The following DMRT3 variants were observed in gnomAD, a reference collection of about 807,000 sequenced individuals.
DMRT3 encodes the protein doublesex- and mab-3-related transcription factor 3.
DMRT3 carries 29 observed loss-of-function variants against 34.9 expected under a neutral mutation model. The ratio of observed to expected loss-of-function variants is 0.83; its 90% CI spans 0.62 to 1.13. The LOEUF is 1.13. DMRT3 is among the 50% of genes most tolerant of loss of function. The pLI is 0.00. For synonymous variants in DMRT3, 350 were observed against 286.0 expected, an observed-to-expected ratio of 1.22 and a Z score of -2.26; for missense variants, 772 against 629.1, an observed-to-expected ratio of 1.23 and a Z score of -2.43.
In DMRT3 at chr9:977,460, G is replaced by C; in HGVS notation, c.454+5G>C. The C allele has an allele frequency of 7.8e-7, 1 of 1,281,952 alleles. No homozygotes were observed. 79.4% of individuals were successfully genotyped at this position (1,281,952 alleles called of 1,614,324 possible). On this transcript the variant is annotated splice_donor_5th_base_variant and intron_variant, in intron 1 of 1. Coordinates refer to ENST00000190165, the MANE Select transcript of DMRT3 (RefSeq NM_021240.4). ...AGGCGCAGCTCGCCAAGCCAGGTAA[G>C]AGCGTCTGAGGTGCGGGAGTTTGGC... is the stretch of plus-strand genomic sequence containing the variant.
chr9:983,753 A>G (rs538542524), intron 1 of DMRT3, among the ~76,000 whole-genome samples: 1 of 152,200 alleles, frequency 6.6e-6, no homozygotes, highest in Non-Finnish European at 1.5e-5. Context: ...TTTACAAAAT[A>G]TGTGAGGTCC....
Position 984,064 on chromosome 9 carries a change from T to C in DMRT3, c.455-5977T>C, listed in dbSNP as rs957937713. The stretch of plus-strand genomic sequence containing the variant: ...ATAATTCATCACTTCTAGTGTGAGA[T>C]GAAGGTAAGAGAAAATGTGAAGCGT... On this transcript the variant is annotated intron_variant, in intron 1 of 1. Transcript: ENST00000190165. 5.9e-5 allele frequency among the ~76,000 whole-genome samples: 9 copies of C among 152,324 alleles called. No individual in the cohort carries two copies. In the South Asian group the frequency reaches 1.4e-3, roughly 25 times the overall value.
intron 1 of DMRT3, among the ~76,000 whole-genome samples, chr9:977,815 C>T (rs1820171156): frequency 6.6e-6 from 1 of 152,228 alleles, no homozygotes; most frequent in South Asian, 2.1e-4. Flanking sequence ...CGCACACTCA[C>T]TACGGTGGGG....
chr9:981,094 AG>A (rs1820210858), intron 1 of DMRT3, among the ~76,000 whole-genome samples: 1 of 151,724 alleles, frequency 6.6e-6, no homozygotes, highest in Admixed American at 6.6e-5. Context: ...TTTATTTCTT[AG>A]GGGGTGGGGG....
At chr9:988,916 A>G (rs1050213722) in intron 1 of DMRT3, among the ~76,000 whole-genome samples, 1 of 152,238 alleles carries the variant, frequency 6.6e-6, no homozygotes, top group Non-Finnish European at 1.5e-5. Context: ...TTTCTTTATT[A>G]TAAAGTCCTG....
chr9:988,371 AT>A (rs762809056), intron 1 of DMRT3, among the ~76,000 whole-genome samples: 1 of 152,192 alleles, frequency 6.6e-6, no homozygotes, highest in Non-Finnish European at 1.5e-5. Context: ...GTATTTACTT[AT>A]GTTTGCCACA....
At chr9:989,218 C>T (rs1486116143) in intron 1 of DMRT3, among the ~76,000 whole-genome samples, 1 of 152,244 alleles carries the variant, frequency 6.6e-6, no homozygotes, top group East Asian at 1.9e-4. Context: ...AGGTATCTGC[C>T]TCGTGCCACC....
In DMRT3 at chr9:991,482, A is replaced by C. The variant is rs1820363426; in HGVS notation, c.*477A>C. ...CTTACACTAAAAATCCTTGCATTTT[A>C]AAGAGAGATGCACTTAAGAATAGAG... On this transcript the variant is annotated 3_prime_UTR_variant, in exon 2 of 2. Transcript: ENST00000190165. The C allele has an allele frequency of 6.5e-6, 1 of 154,898 alleles. No individual in the cohort carries two copies. The highest frequency in any genetic ancestry group is 2.4e-5 in the African/African-American group (1 of 41,482). The allele number at this position is 154,898 out of a possible 1,614,324, so 9.6% of individuals were successfully genotyped here. A position where few individuals can be genotyped will look rare whatever the true frequency, so the allele number is the denominator to read the frequency against.
At chr9:982,329 C>T (rs76885060) in intron 1 of DMRT3, among the ~76,000 whole-genome samples, 61 of 152,310 alleles carry the variant, frequency 4.0e-4, no homozygotes, top group East Asian at 3.1e-3. Context: ...GTGTGTTCCA[C>T]GTCTAGGAAC....
At chr9:989,157 G>T (rs1820320800) in intron 1 of DMRT3, among the ~76,000 whole-genome samples, 1 of 152,170 alleles carries the variant, frequency 6.6e-6, no homozygotes, top group South Asian at 2.1e-4. Flanking sequence ...TTTAAAAAAA[G>T]GTATCTTCAA....
In DMRT3 at chr9:990,509, C is replaced by T; in HGVS notation, c.923C>T (p.Pro308Leu). The T allele has an allele frequency of 1.2e-6, 2 of 1,614,140 alleles. No homozygotes were observed. Among genetic ancestry groups the T allele is most frequent in the African/African-American group, 1.3e-5 (1 of 75,010 alleles). ...GCAGAACCTGAGAGTCTAGCGTTGCCCTCCAATGGGCACATCTTTGAACAC... is the reference window on the plus strand; with the variant it reads ...GCAGAACCTGAGAGTCTAGCGTTGCTCTCCAATGGGCACATCTTTGAACAC... Reference protein sequence around the residue: ...TSAEPESLALPSNGHIFEHTL... With the variant: ...TSAEPESLALLSNGHIFEHTL... Residue 308 changes from proline to leucine, a missense_variant, in exon 2 of 2, where the codon CCC (proline) becomes CTC (leucine). By Grantham distance (98) the Pro-to-Leu change is moderately conservative (BLOSUM62 -3). Transcript: ENST00000190165.
intron 1 of DMRT3, chr9:989,811 G>A: frequency 2.0e-6 from 1 of 497,158 alleles, no homozygotes; most frequent in East Asian, 3.6e-5. Flanking sequence ...AAGCTTCCTT[G>A]CACAAAGCAT....
chr9:986,688 C>T (rs1009261455), intron 1 of DMRT3, among the ~76,000 whole-genome samples: 15 of 152,016 alleles, frequency 9.9e-5, no homozygotes, highest in African/African-American at 3.1e-4. Flanking sequence ...GTCAGGAGTT[C>T]GAGAGGAGCC....
chr9:984,297 A>G (rs1272355611), intron 1 of DMRT3, among the ~76,000 whole-genome samples: 1 of 152,222 alleles, frequency 6.6e-6, no homozygotes, highest in Admixed American at 6.5e-5. Context: ...CATGATTTCA[A>G]AAGGGATGGG....
At chr9:986,957 G>A (rs1820292334) in intron 1 of DMRT3, among the ~76,000 whole-genome samples, 1 of 151,314 alleles carries the variant, frequency 6.6e-6, no homozygotes, top group Non-Finnish European at 1.5e-5. Flanking sequence ...TTCCCAAGAA[G>A]GACTAGTTGT....
chr9:980,560 A>G (rs1326810455), intron 1 of DMRT3, among the ~76,000 whole-genome samples: 1 of 152,080 alleles, frequency 6.6e-6, no homozygotes, highest in Non-Finnish European at 1.5e-5. Flanking sequence ...AGCTATATAT[A>G]TAGCTTAAAT....
chr9:978,668 G>A (rs1414743891), intron 1 of DMRT3, among the ~76,000 whole-genome samples: 1 of 152,198 alleles, frequency 6.6e-6, no homozygotes, highest in Non-Finnish European at 1.5e-5. Flanking sequence ...TGAGTCAACG[G>A]GTGACTGGCA....
rs745937807 is a variant in DMRT3, at chr9:990,549, C to T, written c.963C>T (p.Tyr321=). Reference sequence around the variant, plus strand: ...TCTTTGAACACACCTTGAGCTCCTACCCCATCTCGTCTTCCAAATGGTCTG... The same window carrying T: ...TCTTTGAACACACCTTGAGCTCCTATCCCATCTCGTCTTCCAAATGGTCTG... ...GHIFEHTLSS[Y]PISSSKWSVG... is the part of the protein sequence containing the mutation. Residue 321 remains tyrosine, a synonymous_variant, in exon 2 of 2, where the codon TAC becomes TAT. Transcript: ENST00000190165. 3.7e-6 allele frequency: 6 copies of T among 1,614,006 alleles called. No homozygotes were observed. The highest frequency in any genetic ancestry group is 5.1e-6 in the Non-Finnish European group (6 of 1,180,040).
chr9:976,917 C>G lies in DMRT3; in HGVS notation c.-85C>G. ...GGGCCGCGTCGCCCGGAGGCCGCCC[C>G]TGAGCGGGCCTCGCAGCCCCGCCGT... On this transcript the variant is annotated 5_prime_UTR_variant, in exon 1 of 2. Transcript: ENST00000190165. This position sits in a 1 kb window ranked among gnomAD's most constrained non-coding sequence, Gnocchi z 4.5. 1 of 1,350,912 alleles carries G rather than the reference C, an allele frequency of 7.4e-7. No homozygotes were observed. Among genetic ancestry groups the G allele is most frequent in the Non-Finnish European group, 9.6e-7 (1 of 1,046,574 alleles). The allele number at this position is 1,350,912 out of a possible 1,614,324, so 83.7% of individuals were successfully genotyped here. A position where few individuals can be genotyped will look rare whatever the true frequency, so the allele number is the denominator to read the frequency against.
Sources: allele counts gnomAD v4.1 joint callset (sites outside exome capture counted in the v4.1 genomes callset), GRCh38; gene constraint gnomAD v4.1.1; non-coding constraint Gnocchi (gnomAD v3.1); transcripts MANE v1.5; gene names NCBI Gene and HGNC (gene_info 2026-07-23, HGNC 2026-07-21).